Variants in RBFOX2 observed in about 807,000 individuals in gnomAD.
RBFOX2 encodes RNA binding fox-1 homolog 2.
In RBFOX2, 10 loss-of-function variants were observed where a neutral mutation model predicts 49.1. That is an observed-to-expected ratio of 0.20 (90% confidence interval 0.13 to 0.35). The LOEUF (loss-of-function observed/expected upper bound fraction) is 0.35. Among genes scored for constraint, RBFOX2 ranks in the 10% least tolerant of loss-of-function variants. The probability of loss-of-function intolerance (pLI) is 1.00; values close to 1 mark genes in which losing one functional copy is unlikely to be tolerated. For missense variants in RBFOX2, 323 were observed against 486.9 expected (o/e 0.66, Z 3.17); for synonymous variants, 183 against 187.4 (o/e 0.98, Z 0.19).
At chr22:35,984,733 C>T (rs567967610) in intron 1 of RBFOX2, among the ~76,000 whole-genome samples, 3 of 152,118 alleles carry the variant, frequency 2.0e-5, no homozygotes, top group Admixed American at 6.5e-5. Flanking sequence ...AAACCCAGCC[C>T]GAAAGAAGCA....
At chr22:35,860,265 C>T (rs1254827733) in intron 1 of RBFOX2, among the ~76,000 whole-genome samples, 3 of 152,082 alleles carry the variant, frequency 2.0e-5, no homozygotes, top group Non-Finnish European at 4.4e-5. Flanking sequence ...TCTCTGGAAC[C>T]CCGACACTAC....
chr22:35,897,396 C>A (rs1184587980), intron 1 of RBFOX2: 1 of 1,028,204 alleles, frequency 9.7e-7, no homozygotes, highest in African/African-American at 1.6e-5. Flanking sequence ...GTCTTCTAAG[C>A]TGGGCAGGTG....
intron 1 of RBFOX2, among the ~76,000 whole-genome samples, chr22:35,909,133 C>T (rs182497291): frequency 5.9e-5 from 9 of 152,230 alleles, no homozygotes; most frequent in African/African-American, 1.7e-4. Flanking sequence ...TGAGCCACTG[C>T]GCCCAGCACA....
At chr22:35,891,325 G>A (rs138724809) in intron 1 of RBFOX2, among the ~76,000 whole-genome samples, 1,638 of 152,176 alleles carry the variant, frequency 0.011, 92 homozygotes, top group Admixed American at 0.1. Context: ...AGTAGAGACG[G>A]TGTTTCACCA....
intron 1 of RBFOX2, among the ~76,000 whole-genome samples, chr22:36,008,619 C>G (rs765830726): frequency 6.6e-6 from 1 of 152,038 alleles, no homozygotes; most frequent in Non-Finnish European, 1.5e-5. Flanking sequence ...GAGTTTAAGA[C>G]CAGCCTGGCC....
intron 1 of RBFOX2, among the ~76,000 whole-genome samples, chr22:35,870,436 C>T (rs1279868900): frequency 6.6e-6 from 1 of 152,156 alleles, no homozygotes. Flanking sequence ...TGCACCACTG[C>T]ACTCCAGCCT....
chr22:35,844,274 T>C (rs1569364503), upstream of RBFOX2, among the ~76,000 whole-genome samples: 1 of 152,182 alleles, frequency 6.6e-6, no homozygotes, highest in Non-Finnish European at 1.5e-5. Context: ...AGAAATCATG[T>C]TTTATACTAT....
At position 35,885,843 on chromosome 22, in the gene RBFOX2, A is replaced by ATTTTTTTT. The variant is rs538674450; in HGVS notation, c.-34+52996_-34+53003dup. Among the ~76,000 whole-genome samples, 46 of 83,152 alleles carry ATTTTTTTT rather than the reference A, an allele frequency of 5.5e-4. 5 individuals carry two copies. Among genetic ancestry groups the ATTTTTTTT allele is most frequent in the African/African-American group, 1.9e-3 (35 of 18,756 alleles). The allele number at this position is 83,152 out of a possible 152,430, so 54.6% of individuals were successfully genotyped here. ...TTGGGTTAAGTGAAACCCAAACCTA[A>ATTTTTTTT]TTTTTTTTTTTTTTTTTTTTTTTTT... On this transcript the variant is annotated intron_variant, in intron 1 of 13. Coordinates refer to the RBFOX2 transcript ENST00000359369.
At chr22:35,816,339 A>C (rs1953050735) in intron 1 of RBFOX2, among the ~76,000 whole-genome samples, 1 of 152,084 alleles carries the variant, frequency 6.6e-6, no homozygotes, top group African/African-American at 2.4e-5. Context: ...AACTACCATA[A>C]CCTAGAGGAG....
chr22:36,018,371 G>T (rs1383817814), intron 1 of RBFOX2, among the ~76,000 whole-genome samples: 1 of 152,150 alleles, frequency 6.6e-6, no homozygotes, highest in East Asian at 1.9e-4. Context: ...AAATGTGGGG[G>T]TAGAAGAGAT....
intron 1 of RBFOX2, among the ~76,000 whole-genome samples, chr22:35,930,938 A>G (rs1396516760): frequency 6.6e-6 from 1 of 152,260 alleles, no homozygotes; most frequent in African/African-American, 2.4e-5. Context: ...CAGAATAAGC[A>G]TATTACTTAG....
At chr22:35,951,286 C>G (rs552559035) in intron 1 of RBFOX2, among the ~76,000 whole-genome samples, 9 of 119,484 alleles carry the variant, frequency 7.5e-5, no homozygotes, top group Admixed American at 4.1e-4. Flanking sequence ...TTGCTCGTTG[C>G]CCAGGCTGGA....
intron 1 of RBFOX2, among the ~76,000 whole-genome samples, chr22:35,883,758 A>G (rs148684859): frequency 1.6e-3 from 249 of 152,300 alleles, no homozygotes; most frequent in African/African-American, 5.9e-3. Context: ...TTCCACAACT[A>G]TAAATGATAG....
At chr22:35,820,251 G>A (rs1210169625) in intron 1 of RBFOX2, among the ~76,000 whole-genome samples, 1 of 152,216 alleles carries the variant, frequency 6.6e-6, no homozygotes, top group Non-Finnish European at 1.5e-5. Flanking sequence ...CAAAGGCAAA[G>A]GCAGGGAGCC....
intron 1 of RBFOX2, among the ~76,000 whole-genome samples, chr22:35,967,251 C>T (rs992276619): frequency 1.6e-4 from 24 of 152,130 alleles, no homozygotes; most frequent in African/African-American, 5.6e-4. Context: ...TGAAAACATT[C>T]TTCTTTGTTT....
intron 1 of RBFOX2, among the ~76,000 whole-genome samples, chr22:35,977,761 T>TATATATATAA (rs1259422253): frequency 1.1e-5 from 1 of 90,936 alleles, no homozygotes; most frequent in African/African-American, 4.0e-5. Context: ...TATATATATA[T>TATATATATAA]ACATGCACAC....
chr22:35,843,554 A>G (rs1324354294), upstream of RBFOX2, among the ~76,000 whole-genome samples: 2 of 152,168 alleles, frequency 1.3e-5, no homozygotes, highest in Non-Finnish European at 2.9e-5. Context: ...GGCCAAATTT[A>G]ATGGACATTT....
At chr22:35,859,839 A>G (rs977676252) in intron 1 of RBFOX2, among the ~76,000 whole-genome samples, 13 of 152,238 alleles carry the variant, frequency 8.5e-5, no homozygotes, top group African/African-American at 3.1e-4. Flanking sequence ...CTGGCATTAC[A>G]GGCATGAGCC....
intron 1 of RBFOX2, among the ~76,000 whole-genome samples, chr22:35,875,655 TG>T (rs2044972311): frequency 6.8e-6 from 1 of 147,342 alleles, no homozygotes; most frequent in African/African-American, 2.6e-5. Flanking sequence ...TGTGTGTGTG[TG>T]TGTGTGTGTG....
Sources: gnomAD v4.1 joint callset for allele counts (sites outside exome capture counted in the v4.1 genomes callset) on GRCh38, gnomAD v4.1.1 for gene constraint, MANE v1.5 for transcripts, NCBI Gene and HGNC (gene_info 2026-07-23, HGNC 2026-07-21) for gene names.